The following HCN1 variants were observed in gnomAD, a reference collection of about 807,000 sequenced individuals.
HCN1 encodes the protein potassium/sodium hyperpolarization-activated cyclic nucleotide-gated channel 1.
HCN1 carries 13 observed loss-of-function variants against 78.9 expected under a neutral mutation model. That is an observed-to-expected ratio of 0.16 (90% CI 0.11 to 0.26). The LOEUF is 0.26. HCN1 is among the 10% of genes least tolerant of loss of function. HCN1 has a pLI of 1.00. For missense variants in HCN1, 810 were observed against 1,154.3 expected (o/e 0.70, Z 4.32); for synonymous variants, 552 against 455.5 (o/e 1.21, Z -2.70).
intron 6 of HCN1, among the ~76,000 whole-genome samples, chr5:45,269,720 A>G (rs537815813): frequency 6.6e-6 from 1 of 152,182 alleles, no homozygotes; most frequent in South Asian, 2.1e-4. Context: ...CACTATCCTC[A>G]GGTACATGGT....
At chr5:45,544,451 T>G (rs888204933) in intron 2 of HCN1, among the ~76,000 whole-genome samples, 1 of 152,124 alleles carries the variant, frequency 6.6e-6, no homozygotes, top group Non-Finnish European at 1.5e-5. Context: ...TTCTGAATTT[T>G]TTTTTAATTA....
intron 5 of HCN1, among the ~76,000 whole-genome samples, chr5:45,335,011 A>G (rs529097897): frequency 1.3e-5 from 2 of 152,196 alleles, no homozygotes; most frequent in African/African-American, 4.8e-5. Context: ...ATTAAAGGTC[A>G]GCAGGATGGG....
intron 2 of HCN1, among the ~76,000 whole-genome samples, chr5:45,517,649 T>C (rs1428267381): frequency 1.3e-5 from 2 of 151,888 alleles, no homozygotes; most frequent in African/African-American, 4.8e-5. Context: ...AATATCGGCT[T>C]TGAGCTTCCA....
intron 5 of HCN1, 96 bp downstream of exon 5, chr5:45,353,004 T>A: frequency 1.9e-6 from 2 of 1,042,124 alleles, no homozygotes; most frequent in Non-Finnish European, 2.9e-6. Context: ...TAAGTTTAGG[T>A]TTTTCTTTAG....
chr5:45,366,331 TA>T (rs1444657455), intron 4 of HCN1, among the ~76,000 whole-genome samples: 11 of 151,838 alleles, frequency 7.2e-5, no homozygotes, highest in Non-Finnish European at 1.5e-4. Context: ...AAGTGATTTT[TA>T]AGAAATAATA....
chr5:45,364,920 C>A (rs956250177), intron 4 of HCN1, among the ~76,000 whole-genome samples: 1 of 151,946 alleles, frequency 6.6e-6, no homozygotes, highest in Non-Finnish European at 1.5e-5. Context: ...GCTATTTATT[C>A]TCCTATAACA....
intron 2 of HCN1, among the ~76,000 whole-genome samples, chr5:45,483,179 C>T (rs185140085): frequency 1.3e-4 from 20 of 152,278 alleles, no homozygotes; most frequent in African/African-American, 4.6e-4. Flanking sequence ...TTTGAGGAAT[C>T]TGCAGATTGC....
intron 2 of HCN1, among the ~76,000 whole-genome samples, chr5:45,545,357 A>G (rs6897049): frequency 0.017 from 2,523 of 152,310 alleles, 62 homozygotes; most frequent in African/African-American, 0.057. Context: ...GCTCTTTGTC[A>G]GATGGGTAGA....
At chr5:45,383,873 T>C (rs1747864006) in intron 4 of HCN1, among the ~76,000 whole-genome samples, 1 of 152,254 alleles carries the variant, frequency 6.6e-6, no homozygotes, top group Non-Finnish European at 1.5e-5. Flanking sequence ...TCTTGCCTTG[T>C]TTGTATACCA....
intron 2 of HCN1, among the ~76,000 whole-genome samples, chr5:45,613,339 A>AT (rs1370021423): frequency 6.6e-6 from 1 of 151,992 alleles, no homozygotes; most frequent in Non-Finnish European, 1.5e-5. Flanking sequence ...TGAACTCATC[A>AT]TTTTTTATGG....
intron 2 of HCN1, among the ~76,000 whole-genome samples, chr5:45,607,746 T>C (rs1311651752): frequency 6.6e-6 from 1 of 151,646 alleles, no homozygotes; most frequent in African/African-American, 2.4e-5. Flanking sequence ...ACTTACTGCC[T>C]TTAATAAAAA....
At chr5:45,504,315 T>C (rs1249532222) in intron 2 of HCN1, among the ~76,000 whole-genome samples, 1 of 152,140 alleles carries the variant, frequency 6.6e-6, no homozygotes, top group Non-Finnish European at 1.5e-5. Context: ...GTGTTCTCAT[T>C]GTTCAATTCC....
chr5:45,300,528 C>A (rs927995209), intron 6 of HCN1, among the ~76,000 whole-genome samples: 1 of 151,848 alleles, frequency 6.6e-6, no homozygotes, highest in Non-Finnish European at 1.5e-5. Context: ...ATTTTATATT[C>A]TTTAGCTAAC....
chr5:45,406,255 CATAA>C (rs1368362048), intron 3 of HCN1, among the ~76,000 whole-genome samples: 1 of 151,946 alleles, frequency 6.6e-6, no homozygotes, highest in Non-Finnish European at 1.5e-5. Flanking sequence ...TCTTTGTTAA[CATAA>C]ATAAATATAA....
At chr5:45,340,362 T>C (rs528555311) in intron 5 of HCN1, among the ~76,000 whole-genome samples, 1 of 152,362 alleles carries the variant, frequency 6.6e-6, no homozygotes, top group Admixed American at 6.5e-5. Flanking sequence ...TTCTCAGTTG[T>C]GCTGTTGTCT....
At chr5:45,586,552 C>A (rs1561211159) in intron 2 of HCN1, among the ~76,000 whole-genome samples, 1 of 152,140 alleles carries the variant, frequency 6.6e-6, no homozygotes, top group Non-Finnish European at 1.5e-5. Context: ...GTCTGACACT[C>A]CCCAGTAAGA....
At chr5:45,601,746 G>A (rs551386242) in intron 2 of HCN1, among the ~76,000 whole-genome samples, 77 of 152,196 alleles carry the variant, frequency 5.1e-4, no homozygotes, top group Middle Eastern at 3.4e-3. Flanking sequence ...GCATTTATAC[G>A]TTCTGACAAT....
At chr5:45,436,537 A>G (rs1412709429) in intron 3 of HCN1, among the ~76,000 whole-genome samples, 1 of 152,230 alleles carries the variant, frequency 6.6e-6, no homozygotes, top group African/African-American at 2.4e-5. Context: ...AGTAAAATGA[A>G]GTAATTATGA....
chr5:45,586,815 C>T (rs2580258), intron 2 of HCN1, among the ~76,000 whole-genome samples: 77,915 of 151,926 alleles, frequency 0.51, 21,470 homozygotes, highest in African/African-American at 0.72. Context: ...AATAAATATT[C>T]GTGATTCCCC....
Sources: allele counts gnomAD v4.1 joint callset (sites outside exome capture counted in the v4.1 genomes callset), GRCh38; gene constraint gnomAD v4.1.1; transcripts MANE v1.5; gene names NCBI Gene and HGNC (gene_info 2026-07-23, HGNC 2026-07-21).